POT1: variants seen among roughly 807,000 people sequenced by gnomAD.
POT1 encodes protection of telomeres protein 1.
POT1 carries 47 observed loss-of-function variants against 78.5 expected under a neutral mutation model. That is an observed-to-expected ratio of 0.60 (90% CI 0.47 to 0.76). POT1 has a LOEUF of 0.76. Among genes scored for constraint, POT1 ranks in the 30% least tolerant of loss-of-function variants. POT1 has a pLI of 0.00. For synonymous variants in POT1, 259 were observed against 260.7 expected (o/e 0.99, Z 0.06); for missense variants, 646 against 749.9 (o/e 0.86, Z 1.62).
At chr7:124,824,593 A>C (rs1794585567) in intron 18 of POT1, among the ~76,000 whole-genome samples, 1 of 152,094 alleles carries the variant, frequency 6.6e-6, no homozygotes. Context: ...ATAGTATATA[A>C]AAATTAAACC....
chr7:124,828,059 A>T (rs1043234169), intron 16 of POT1, among the ~76,000 whole-genome samples: 14 of 152,188 alleles, frequency 9.2e-5, no homozygotes, highest in African/African-American at 3.1e-4. Context: ...AATAAATAAA[A>T]AAAACAGTTG....
At position 124,858,424 on chromosome 7, in the gene POT1, A is replaced by C. The variant is rs1795499764; in HGVS notation, c.702+533T>G. On this transcript the variant is annotated intron_variant, in intron 9 of 18. Coordinates refer to ENST00000357628, the MANE Select transcript of POT1 (RefSeq NM_015450.3). ...AAGTACTGCCATATCTAAACTGTGC[A>C]CCTTAATGTATTTCAGAAGACAGTA... Among the ~76,000 whole-genome samples, 3 of 152,286 alleles carry C rather than the reference A, an allele frequency of 2.0e-5. No homozygotes were observed. The South Asian group carries it at 6.2e-4, about 32-fold the overall frequency.
chr7:124,847,233 G>A (rs558946296), intron 11 of POT1, among the ~76,000 whole-genome samples: 3 of 152,290 alleles, frequency 2.0e-5, no homozygotes, highest in Admixed American at 6.5e-5. Flanking sequence ...AGTGGCTCAC[G>A]CCTATAATCC....
intron 9 of POT1, among the ~76,000 whole-genome samples, chr7:124,857,591 C>T (rs1346320496): frequency 6.6e-6 from 1 of 152,180 alleles, no homozygotes; most frequent in Non-Finnish European, 1.5e-5. Context: ...AGAGAAGCAG[C>T]TTGACTTCAG....
At position 124,825,234 on chromosome 7, in the gene POT1, T is replaced by C. The variant is rs1419555046; in HGVS notation, c.1792+18A>G. The stretch of plus-strand genomic sequence containing the variant: ...TCAAGTAAAAGAAGTGTGGGATTGT[T>C]AAAATATTCTTGCCTACCAATTTTT... On this transcript the variant is annotated intron_variant, in intron 18 of 18. Coordinates refer to ENST00000357628, the MANE Select transcript of POT1 (RefSeq NM_015450.3). 2 of 1,534,704 alleles carry C rather than the reference T, an allele frequency of 1.3e-6. No homozygotes were observed. The highest frequency in any genetic ancestry group is 1.1e-5 in the South Asian group (1 of 87,242).
At chr7:124,902,615 A>G (rs1179900299) in intron 3 of POT1, among the ~76,000 whole-genome samples, 1 of 152,240 alleles carries the variant, frequency 6.6e-6, no homozygotes, top group Non-Finnish European at 1.5e-5. Flanking sequence ...AAACTGCATC[A>G]ACTAATGAGC....
At chr7:124,877,858 A>AAAAAAAAAAAAAAAAAAAAAAAAC (rs1796028247) in intron 6 of POT1, among the ~76,000 whole-genome samples, 1 of 115,662 alleles carries the variant, frequency 8.6e-6, no homozygotes. Flanking sequence ...AAAAAAAAAA[A>AAAAAAAAAAAAAAAAAAAAAAAAC]AAAAAAAAAA....
chr7:124,929,646 A>C (rs1434211592), intron 1 of POT1, 148 bp downstream of exon 1: 1 of 152,184 alleles, frequency 6.6e-6, no homozygotes, highest in Non-Finnish European at 1.5e-5. Context: ...AAAGATGCTG[A>C]ACACAGCAGG....
rs367777224 is a variant in POT1 at position 124,929,817 on chromosome 7, G to T, written c.-435C>A. On this transcript the variant is annotated 5_prime_UTR_variant, in exon 1 of 19. Coordinates refer to ENST00000357628, the MANE Select transcript of POT1 (RefSeq NM_015450.3). ...ACCCGTACTCTAGAAAGAACCCTAG[G>T]AAGAGTTTAGGCGGGCGCGCAGGTG... 1 of 152,268 alleles carries T rather than the reference G, an allele frequency of 6.6e-6. No homozygotes were observed. 9.4% of individuals were successfully genotyped at this position (152,268 alleles called of 1,614,324 possible).
intron 7 of POT1, among the ~76,000 whole-genome samples, chr7:124,868,577 T>G (rs1562995861): frequency 6.6e-6 from 1 of 151,660 alleles, no homozygotes; most frequent in Non-Finnish European, 1.5e-5. Flanking sequence ...TTCAAAATAC[T>G]AAACATTTCA....
chr7:124,823,727 C>T lies in POT1; in HGVS notation c.*235G>A. On this transcript the variant is annotated 3_prime_UTR_variant, in exon 19 of 19. Transcript: ENST00000357628. Reference sequence around the variant, plus strand: ...TGATCAGACACTTATCTCAGCAGTACTTGTTTAAGCAGGTCTCTTTGTACA... The same window carrying T: ...TGATCAGACACTTATCTCAGCAGTATTTGTTTAAGCAGGTCTCTTTGTACA... 2.2e-6 allele frequency: 1 copy of T among 458,264 alleles called. No individual in the cohort carries two copies. Among genetic ancestry groups the T allele is most frequent in the Non-Finnish European group, 3.8e-6 (1 of 260,746 alleles). 28.4% of individuals were successfully genotyped at this position (458,264 alleles called of 1,614,324 possible).
At chr7:124,905,117 C>T (rs1796727985) in intron 3 of POT1, among the ~76,000 whole-genome samples, 2 of 152,058 alleles carry the variant, frequency 1.3e-5, no homozygotes, top group South Asian at 4.1e-4. Context: ...CTACCAATGA[C>T]TTTCTTCACA....
chr7:124,832,252 CAAAAAA>C (rs372881075), intron 15 of POT1, among the ~76,000 whole-genome samples: 2 of 75,646 alleles, frequency 2.6e-5, no homozygotes, highest in Non-Finnish European at 4.7e-5. Context: ...ACACTGTCTC[CAAAAAA>C]AAAAAAAAAA....
At chr7:124,904,289 C>A (rs936519767) in intron 3 of POT1, among the ~76,000 whole-genome samples, 8 of 151,116 alleles carry the variant, frequency 5.3e-5, no homozygotes, top group African/African-American at 1.9e-4. Context: ...CAAACCAAAT[C>A]CAGCAGCAGA....
At chr7:124,846,716 T>A (rs1795176628) in intron 12 of POT1, among the ~76,000 whole-genome samples, 1 of 149,934 alleles carries the variant, frequency 6.7e-6, no homozygotes, top group South Asian at 2.1e-4. Context: ...TTAAGTCTGT[T>A]AGAGATAGAT....
At chr7:124,907,972 A>C (rs973105465) in intron 3 of POT1, among the ~76,000 whole-genome samples, 7 of 152,224 alleles carry the variant, frequency 4.6e-5, no homozygotes, top group Admixed American at 4.6e-4. Flanking sequence ...ATCAACAGGC[A>C]AATAATAGCA....
chr7:124,842,961 G>T lies in POT1; in HGVS notation c.1009C>A (p.Leu337Ile). 6.5e-7 allele frequency: 1 copy of T among 1,549,870 alleles called. No individual in the cohort carries two copies. The highest frequency in any genetic ancestry group is 8.7e-7 in the Non-Finnish European group (1 of 1,153,310). The change falls in exon 13 of 19, where the codon CTT (leucine) becomes ATT (isoleucine). Residue 337 changes from leucine (L) to isoleucine (I), a missense_variant and splice_region_variant. Around this residue, in one of 2 missense-constraint regions of POT1, gnomAD observed 394 missense variants for 408.4 expected, o/e 0.96. Transcript: ENST00000357628. The part of the protein sequence containing the change: ...ERCQQLSATI[L>I]TDHQYLERTP... ...CTCTCCAAATACTGATGATCTGTAAGTACTGTAAAGAATTTTTATATTCAA... is the reference window on the plus strand; with the variant it reads ...CTCTCCAAATACTGATGATCTGTAATTACTGTAAAGAATTTTTATATTCAA...
intron 6 of POT1, among the ~76,000 whole-genome samples, chr7:124,882,909 C>G (rs1796151576): frequency 1.3e-5 from 2 of 151,924 alleles, no homozygotes; most frequent in Admixed American, 1.3e-4. Context: ...AAAATAAATA[C>G]AAAGTGAAGT....
chr7:124,835,146 G>A, intron 15 of POT1, 133 bp downstream of exon 15: 4 of 1,036,854 alleles, frequency 3.9e-6, no homozygotes, highest in Middle Eastern at 3.1e-4. Flanking sequence ...TAATGCAGGT[G>A]ACGGGTTGAT....
Sources: allele counts gnomAD v4.1 joint callset (sites outside exome capture counted in the v4.1 genomes callset), GRCh38; gene constraint gnomAD v4.1.1; regional missense constraint gnomAD v4.1.1; transcripts MANE v1.5; gene names NCBI Gene and HGNC (gene_info 2026-07-23, HGNC 2026-07-21).